MED12L: variants seen among roughly 807,000 people sequenced by gnomAD.
MED12L encodes mediator complex subunit 12L.
MED12L carries 60 observed loss-of-function variants against 281.3 expected under a neutral mutation model. The observed-to-expected ratio is 0.21, with a 90% CI of 0.17 to 0.26. The LOEUF is 0.26. Among genes scored for constraint, MED12L ranks in the 10% least tolerant of loss-of-function variants. The pLI is 1.00. For missense variants in MED12L, 2,146 were observed against 2,680.9 expected (o/e 0.80, Z 4.41); for synonymous variants, 974 against 987.2 (o/e 0.99, Z 0.25).
chr3:151,230,164 C>T (rs541272327), intron 16 of MED12L, among the ~76,000 whole-genome samples: 6 of 152,104 alleles, frequency 3.9e-5, no homozygotes, highest in African/African-American at 1.2e-4. Flanking sequence ...TTAGTAGAGA[C>T]GGGATTTCAC....
At chr3:151,292,593 A>T (rs1293634487) in intron 16 of MED12L, among the ~76,000 whole-genome samples, 1 of 148,484 alleles carries the variant, frequency 6.7e-6, no homozygotes, top group African/African-American at 2.5e-5. Flanking sequence ...TTTTTTTGAG[A>T]TGGAATTTTG....
intron 16 of MED12L, among the ~76,000 whole-genome samples, chr3:151,219,082 C>T (rs1333954118): frequency 1.3e-5 from 2 of 151,804 alleles, no homozygotes; most frequent in Admixed American, 6.6e-5. Flanking sequence ...TTTATGAGGC[C>T]CAAAGACAGT....
chr3:151,382,769 C>T, intron 33 of MED12L, 24 bp downstream of exon 33: 2 of 1,574,618 alleles, frequency 1.3e-6, no homozygotes, highest in South Asian at 1.1e-5. Flanking sequence ...CTAGTATTTT[C>T]CCTCCATTAA....
Position 151,434,500 on chromosome 3 carries a change from TAATA to T in MED12L, c.*1697_*1700del, listed in dbSNP as rs1171633126. On this transcript the variant is annotated 3_prime_UTR_variant, in exon 45 of 45. Coordinates refer to ENST00000687756, the MANE Select transcript of MED12L (RefSeq NM_001393769.1). ...TTAAAAACTATTCTTTTCACTAAAT[TAATA>T]GTCTATCTGCTTTCAGAAGATGTAT... 7.6e-6 allele frequency: 1 copy of T among 130,944 alleles called. No individual in the cohort carries two copies. Among genetic ancestry groups the T allele is most frequent in the African/African-American group, 2.9e-5 (1 of 34,552 alleles). 8.1% of individuals were successfully genotyped at this position (130,944 alleles called of 1,614,324 possible). A position where few individuals can be genotyped will look rare whatever the true frequency, so the allele number is the denominator to read the frequency against.
intron 16 of MED12L, among the ~76,000 whole-genome samples, chr3:151,312,099 C>T (rs973069000): frequency 1.3e-5 from 2 of 152,058 alleles, no homozygotes; most frequent in East Asian, 1.9e-4. Context: ...GTCTTGGAGC[C>T]GGTTTATCTA....
chr3:151,295,104 G>A lies in MED12L; in HGVS notation c.2251-54955G>A. 6.2e-7 allele frequency: 1 copy of A among 1,613,080 alleles called. No homozygotes were observed. The highest frequency in any genetic ancestry group is 2.2e-5 in the East Asian group (1 of 44,862). ...CTTGCCACAAATATAATGAGATAAA[G>A]CACCGGCAAGACAATTGTGTCAAAT... On this transcript the variant is annotated intron_variant, in intron 16 of 44. Transcript: ENST00000687756.
At chr3:151,115,880 A>G (rs1712692986) in intron 2 of MED12L, among the ~76,000 whole-genome samples, 1 of 151,664 alleles carries the variant, frequency 6.6e-6, no homozygotes, top group South Asian at 2.1e-4. Context: ...CAAAATGGTG[A>G]AACCCCATCT....
At chr3:151,414,668 A>G (rs183718537) in intron 42 of MED12L, among the ~76,000 whole-genome samples, 1 of 151,662 alleles carries the variant, frequency 6.6e-6, no homozygotes, top group Non-Finnish European at 1.5e-5. Flanking sequence ...TAGTAGTAAG[A>G]TGTCATTAGT....
chr3:151,198,342 G>GTTTTTTTTT (rs11431846), intron 16 of MED12L: 3 of 693,846 alleles, frequency 4.3e-6, no homozygotes, highest in African/African-American at 1.9e-5. Context: ...GTTTTTTTTT[G>GTTTTTTTTT]TTTTTTTTTT....
intron 16 of MED12L, among the ~76,000 whole-genome samples, chr3:151,313,705 A>G (rs1027270152): frequency 2.6e-5 from 4 of 152,062 alleles, no homozygotes; most frequent in Non-Finnish European, 5.9e-5. Flanking sequence ...TTAGCTGGGC[A>G]TGGTCGTGGG....
rs181166710 is a variant in MED12L at position 151,114,279 on chromosome 3, G to A, written c.100-2059G>A. On this transcript the variant is annotated intron_variant, in intron 2 of 44. Coordinates refer to ENST00000687756, the MANE Select transcript of MED12L (RefSeq NM_001393769.1). ...ACGATTTCAGTGACCTATGCTTGGA[G>A]GAGACTTGATTACCATAGAGTGAAA... 2.6e-3 allele frequency among the ~76,000 whole-genome samples: 400 copies of A among 152,282 alleles called. 2 individuals are homozygous for A. Among genetic ancestry groups the A allele is most frequent in the African/African-American group, 8.9e-3 (368 of 41,560 alleles).
intron 16 of MED12L, among the ~76,000 whole-genome samples, chr3:151,224,230 C>G (rs1402286830): frequency 6.6e-6 from 1 of 152,028 alleles, no homozygotes; most frequent in Non-Finnish European, 1.5e-5. Flanking sequence ...TATAAAGGTA[C>G]AACTTTTATA....
chr3:151,192,796 T>A, intron 15 of MED12L, 142 bp downstream of exon 15: 1 of 672,776 alleles, frequency 1.5e-6, no homozygotes. Flanking sequence ...GGTACAATTA[T>A]CATCTGACAC....
intron 16 of MED12L, chr3:151,214,411 C>T (rs2149228050): frequency 9.4e-7 from 1 of 1,058,408 alleles, no homozygotes; most frequent in East Asian, 2.4e-5. Context: ...AGTAATAAGG[C>T]AAAGGGCAAT....
Position 151,384,232 on chromosome 3 carries a change from C to A in MED12L, c.4926+14C>A. 2 of 1,599,758 alleles carry A rather than the reference C, an allele frequency of 1.3e-6. No individual in the cohort carries two copies. Among genetic ancestry groups the A allele is most frequent in the Non-Finnish European group, 1.7e-6 (2 of 1,174,824 alleles). On this transcript the variant is annotated intron_variant, in intron 35 of 44. Transcript: ENST00000687756. ...AAGAAACTGAAAGTAAGTTTGAGATCAGCCTGTATTATGAGCTCAAGTTGT... is the reference window on the plus strand; with the variant it reads ...AAGAAACTGAAAGTAAGTTTGAGATAAGCCTGTATTATGAGCTCAAGTTGT...
chr3:151,276,528 G>T (rs1220877695), intron 16 of MED12L, among the ~76,000 whole-genome samples: 1 of 152,178 alleles, frequency 6.6e-6, no homozygotes, highest in African/African-American at 2.4e-5. Flanking sequence ...ACACTGGGAG[G>T]TTGAAACAGC....
At chr3:151,341,160 T>C (rs974412089) in intron 16 of MED12L, among the ~76,000 whole-genome samples, 1 of 152,182 alleles carries the variant, frequency 6.6e-6, no homozygotes, top group African/African-American at 2.4e-5. Context: ...CAAGTAATTA[T>C]GTTAACTCAA....
At chr3:151,214,154 T>A (rs771257232) in intron 16 of MED12L, 1 of 1,614,084 alleles carries the variant, frequency 6.2e-7, no homozygotes, top group Non-Finnish European at 8.5e-7. Context: ...ATGATGAAAC[T>A]CTTAGAGCTG....
At chr3:151,201,075 T>C (rs1385551171) in intron 16 of MED12L, 2 of 152,202 alleles carry the variant, frequency 1.3e-5, no homozygotes, top group African/African-American at 2.4e-5. Context: ...TACTAAGGGC[T>C]TACTGTGTGG....
Sources: allele counts gnomAD v4.1 joint callset (sites outside exome capture counted in the v4.1 genomes callset), GRCh38; gene constraint gnomAD v4.1.1; transcripts MANE v1.5; gene names NCBI Gene and HGNC (gene_info 2026-07-23, HGNC 2026-07-21).